The following WDR17 variants were observed in gnomAD, a reference collection of about 807,000 sequenced individuals.
WDR17 encodes the protein WD repeat domain 17, also known as WD repeat-containing protein 17.
Under a neutral mutation model 161.7 loss-of-function variants are expected in WDR17, and 143 were observed. That is an observed-to-expected ratio of 0.88 (90% CI 0.77 to 1.02). The LOEUF (loss-of-function observed/expected upper bound fraction) is 1.02. WDR17 is among the 50% of genes least tolerant of loss of function. The probability of loss-of-function intolerance (pLI) is 0.00; values close to 1 mark genes in which losing one functional copy is unlikely to be tolerated. For synonymous variants in WDR17, 517 were observed against 515.6 expected, an observed-to-expected ratio of 1.00 and a Z score of -0.04; for missense variants, 1,469 against 1,520.9, an observed-to-expected ratio of 0.97 and a Z score of 0.57.
intron 1 of WDR17, among the ~76,000 whole-genome samples, chr4:176,074,959 T>C (rs1290516905): frequency 6.6e-6 from 1 of 151,906 alleles, no homozygotes; most frequent in African/African-American, 2.4e-5. Context: ...TTTTACCATC[T>C]AGAAATAGCC....
chr4:176,124,887 A>G (rs992478629), intron 4 of WDR17, among the ~76,000 whole-genome samples: 2 of 152,204 alleles, frequency 1.3e-5, no homozygotes, highest in African/African-American at 4.8e-5. Flanking sequence ...AAGGCACTGG[A>G]AATTGCCAAA....
rs571627895 is a variant in WDR17, at chr4:176,179,079, A to G, written c.3733-381A>G. Among the ~76,000 whole-genome samples, 5 of 152,354 alleles carry G rather than the reference A, an allele frequency of 3.3e-5. No homozygotes were observed. The South Asian group carries it at 1.0e-3, about 32-fold the overall frequency. On this transcript the variant is annotated intron_variant, in intron 28 of 28. Transcript: ENST00000508596. ...TTCCCCAGCTGTATCGACATAGGCT[A>G]CATGAGTAAAATAGTGAAATATATT...
Position 176,114,824 on chromosome 4 carries a change from T to C in WDR17, c.124-972T>C, listed in dbSNP as rs75618616. ...AGGTGCATTTAAACTCAGACCTCAG[T>C]AGGAGAATGAATAACCATGAGCAAA... On this transcript the variant is annotated intron_variant, in intron 2 of 28. Transcript: ENST00000508596. 4.8e-3 allele frequency among the ~76,000 whole-genome samples: 721 copies of C among 151,552 alleles called. 6 individuals carry two copies. Among genetic ancestry groups the C allele is most frequent in the Non-Finnish European group, 6.5e-3 (438 of 67,840 alleles).
intron 17 of WDR17, among the ~76,000 whole-genome samples, chr4:176,155,870 T>C (rs1748043530): frequency 6.6e-6 from 1 of 151,864 alleles, no homozygotes; most frequent in Admixed American, 6.6e-5. Flanking sequence ...GCTTCTTTTA[T>C]ATTATTGACA....
chr4:176,170,723 C>G (rs769868326), intron 23 of WDR17, among the ~76,000 whole-genome samples: 1 of 152,182 alleles, frequency 6.6e-6, no homozygotes, highest in African/African-American at 2.4e-5. Context: ...GTCTTTTCAT[C>G]ACACATTCTA....
chr4:176,087,735 T>C (rs1182987181), intron 1 of WDR17, among the ~76,000 whole-genome samples: 1 of 152,202 alleles, frequency 6.6e-6, no homozygotes, highest in East Asian at 1.9e-4. Context: ...ACTGAACTAA[T>C]AGTGACTTTT....
intron 6 of WDR17, among the ~76,000 whole-genome samples, chr4:176,130,658 T>C (rs1365907206): frequency 6.8e-6 from 1 of 147,086 alleles, no homozygotes; most frequent in Non-Finnish European, 1.5e-5. Flanking sequence ...GGCAAGAGAA[T>C]GGCGTCAACC....
At chr4:176,115,310 C>T (rs1740424979) in intron 2 of WDR17, among the ~76,000 whole-genome samples, 1 of 150,610 alleles carries the variant, frequency 6.6e-6, no homozygotes, top group African/African-American at 2.4e-5. Context: ...ATGTCCCATC[C>T]AAAAAAAACA....
At chr4:176,135,793 C>A (rs986852793) in intron 8 of WDR17, among the ~76,000 whole-genome samples, 1 of 151,464 alleles carries the variant, frequency 6.6e-6, no homozygotes, top group Non-Finnish European at 1.5e-5. Context: ...TCCTATGAAA[C>A]CTCTGACATT....
chr4:176,075,566 A>C (rs1399464409), intron 1 of WDR17, among the ~76,000 whole-genome samples: 1 of 152,050 alleles, frequency 6.6e-6, no homozygotes, highest in Non-Finnish European at 1.5e-5. Context: ...CTTTGTTTTG[A>C]TTCATTTTTA....
In WDR17 at chr4:176,147,281, A is replaced by C. The variant is rs547838717; in HGVS notation, c.1695-852A>C. ...TTTGAAGTACTACTATTTTGTTGTC[A>C]GTTTGGCATATATCTGTGACTAAAA... is the stretch of plus-strand genomic sequence containing the variant. On this transcript the variant is annotated intron_variant, in intron 12 of 28. Transcript: ENST00000508596. Among the ~76,000 whole-genome samples, 14 of 152,286 alleles carry C rather than the reference A, an allele frequency of 9.2e-5. No individual in the cohort carries two copies. The South Asian group carries it at 2.7e-3, about 29-fold the overall frequency.
chr4:176,095,896 A>C (rs899079183), intron 1 of WDR17, among the ~76,000 whole-genome samples: 1 of 152,120 alleles, frequency 6.6e-6, no homozygotes, highest in Non-Finnish European at 1.5e-5. Flanking sequence ...AAAATGAGTA[A>C]AACTAAAATT....
At chr4:176,121,284 A>T (rs959757237) in intron 4 of WDR17, among the ~76,000 whole-genome samples, 7 of 152,206 alleles carry the variant, frequency 4.6e-5, no homozygotes, top group Non-Finnish European at 1.0e-4. Flanking sequence ...ATTAAGGCTG[A>T]TAGTTAGGCA....
In WDR17 at chr4:176,150,577, T is replaced by C; in HGVS notation, c.2288T>C (p.Leu763Pro). The change falls in exon 16 of 29, where the codon CTG becomes CCG. Residue 763 changes from leucine to proline, a missense_variant. Coordinates refer to ENST00000508596, the MANE Select transcript of WDR17 (RefSeq NM_181265.4). ...YCKGIMHLKH[L>P]IKFRTSEAQE... ...AAAGGAATAATGCACTTGAAACATC[T>C]GATTAAATTTAGAACAGTGAGTAAA... 1.2e-6 allele frequency: 2 copies of C among 1,603,514 alleles called. No homozygotes were observed. Among genetic ancestry groups the C allele is most frequent in the Non-Finnish European group, 1.7e-6 (2 of 1,176,624 alleles).
chr4:176,153,742 A>G (rs1419348487), intron 17 of WDR17, among the ~76,000 whole-genome samples: 1 of 152,228 alleles, frequency 6.6e-6, no homozygotes, highest in East Asian at 1.9e-4. Flanking sequence ...ATTAAAATAA[A>G]TCAAAACTAA....
At chr4:176,084,269 G>A (rs1171937038) in intron 1 of WDR17, among the ~76,000 whole-genome samples, 2 of 152,118 alleles carry the variant, frequency 1.3e-5, no homozygotes, top group African/African-American at 4.8e-5. Flanking sequence ...GTCTCAGGCT[G>A]CCTCCACTCA....
At chr4:176,141,120 C>A (rs142434411) in intron 10 of WDR17, among the ~76,000 whole-genome samples, 74 of 152,176 alleles carry the variant, frequency 4.9e-4, no homozygotes, top group African/African-American at 1.5e-3. Flanking sequence ...AGCTTTTGCA[C>A]TGTGGTAATA....
At chr4:176,156,321 G>A (rs767361242) in intron 18 of WDR17, among the ~76,000 whole-genome samples, 178 bp downstream of exon 18, 6 of 152,082 alleles carry the variant, frequency 3.9e-5, no homozygotes, top group Non-Finnish European at 8.8e-5. Context: ...AGTAATTTTG[G>A]TGTTCTTGGA....
At position 176,151,796 on chromosome 4, in the gene WDR17, T is replaced by G; in HGVS notation, c.2305-16T>G. ...ATGTCAAATTTTTTTAAATTCTATTTTCTTTTTAAAACCAGTCTGAAGCTC... is the reference window on the plus strand; with the variant it reads ...ATGTCAAATTTTTTTAAATTCTATTGTCTTTTTAAAACCAGTCTGAAGCTC... On this transcript the variant is annotated splice_polypyrimidine_tract_variant and intron_variant, in intron 16 of 28. Coordinates refer to ENST00000508596, the MANE Select transcript of WDR17 (RefSeq NM_181265.4). 1 of 1,545,318 alleles carries G rather than the reference T, an allele frequency of 6.5e-7. No individual in the cohort carries two copies. The highest frequency in any genetic ancestry group is 2.3e-5 in the Admixed American group (1 of 44,052).
Sources: allele counts gnomAD v4.1 joint callset (sites outside exome capture counted in the v4.1 genomes callset), GRCh38; gene constraint gnomAD v4.1.1; transcripts MANE v1.5; gene names NCBI Gene and HGNC (gene_info 2026-07-23, HGNC 2026-07-21).